The following MTUS1 variants were observed in gnomAD, a reference collection of about 807,000 sequenced individuals.
MTUS1 encodes the protein microtubule-associated tumor suppressor 1.
MTUS1 carries 109 observed loss-of-function variants against 120.8 expected under a neutral mutation model. That is an observed-to-expected ratio of 0.90 (90% CI 0.77 to 1.06). The LOEUF (loss-of-function observed/expected upper bound fraction) is 1.06. Ranked by LOEUF, MTUS1 falls within the 50% of genes least tolerant of loss-of-function variation. The pLI, the probability that MTUS1 is intolerant of heterozygous loss-of-function variation, is 0.00. For synonymous variants in MTUS1, 737 were observed against 550.5 expected, an observed-to-expected ratio of 1.34 and a Z score of -4.74; for missense variants, 2,210 against 1,486.3, an observed-to-expected ratio of 1.49 and a Z score of -8.01.
intron 7 of MTUS1, among the ~76,000 whole-genome samples, chr8:17,682,654 T>C (rs545074212): frequency 6.6e-6 from 1 of 152,180 alleles, no homozygotes; most frequent in East Asian, 1.9e-4. Context: ...TCACAGGACT[T>C]GACTGACGTC....
chr8:17,676,647 C>A (rs118107777), intron 7 of MTUS1, among the ~76,000 whole-genome samples: 6 of 152,034 alleles, frequency 3.9e-5, no homozygotes, highest in Non-Finnish European at 7.3e-5. Context: ...TCAGCTGCAA[C>A]GGAGGAAAGA....
intron 3 of MTUS1, among the ~76,000 whole-genome samples, chr8:17,736,767 T>C (rs182639733): frequency 1.3e-5 from 2 of 152,120 alleles, no homozygotes; most frequent in Non-Finnish European, 2.9e-5. Context: ...GTATGTTTAG[T>C]AGAGATGGGG....
chr8:17,655,871 G>C lies in MTUS1; in HGVS notation c.3100C>G (p.Gln1034Glu), dbSNP rs769283504. 20 of 1,614,190 alleles carry C rather than the reference G, an allele frequency of 1.2e-5. No individual in the cohort carries two copies. The East Asian group carries it at 3.1e-4, about 25-fold the overall frequency. ...GCTGCAAAAGCACAGACCTGCTCTT[G>C]CAATTGCATTTTGTACTTCTCTGCT... ...EEAEKYKMQLQEQFDNLNAAH... is the reference protein window; with the variant it reads ...EEAEKYKMQLEEQFDNLNAAH... The change falls in exon 9 of 15, where the codon CAA becomes GAA. Residue 1034 changes from glutamine (Q) to glutamate (E), a missense_variant. Gln to Glu is a conservative substitution (Grantham distance 29). Transcript: ENST00000693296.
chr8:17,736,850 G>GCTATAAC (rs1371651065), intron 3 of MTUS1, among the ~76,000 whole-genome samples: 1 of 152,110 alleles, frequency 6.6e-6, no homozygotes, highest in Non-Finnish European at 1.5e-5. Context: ...CACCCAAAGT[G>GCTATAAC]CTGGGATTAT....
chr8:17,794,336 A>C (rs1359747978), intron 1 of MTUS1, among the ~76,000 whole-genome samples: 1 of 152,156 alleles, frequency 6.6e-6, no homozygotes, highest in African/African-American at 2.4e-5. Flanking sequence ...CTCAAAAAAA[A>C]AGATAAAAGA....
At chr8:17,654,872 G>A (rs1234121424) in intron 9 of MTUS1, 1 of 574,964 alleles carries the variant, frequency 1.7e-6, no homozygotes, top group Non-Finnish European at 3.1e-6. Context: ...AGGATCACTT[G>A]GAGCCCAGCA....
chr8:17,762,725 T>C (rs1448487953), intron 1 of MTUS1, among the ~76,000 whole-genome samples: 5 of 152,242 alleles, frequency 3.3e-5, no homozygotes, highest in African/African-American at 7.2e-5. Context: ...TGAAATTACA[T>C]CCTTTTATTC....
intron 7 of MTUS1, among the ~76,000 whole-genome samples, chr8:17,684,009 C>T (rs1201765660): frequency 6.6e-6 from 1 of 152,052 alleles, no homozygotes; most frequent in Non-Finnish European, 1.5e-5. Context: ...GACAAACACA[C>T]AAATTAAGTG....
At chr8:17,663,786 G>A (rs1810305663) in intron 8 of MTUS1, among the ~76,000 whole-genome samples, 1 of 152,082 alleles carries the variant, frequency 6.6e-6, no homozygotes, top group Admixed American at 6.6e-5. Flanking sequence ...AGTGGAGACA[G>A]GGTTTCACTA....
At chr8:17,654,741 T>G in intron 9 of MTUS1, 75 bp from the exon 10 acceptor site, 1 of 999,846 alleles carries the variant, frequency 1.0e-6, no homozygotes, top group Non-Finnish European at 1.6e-6. Flanking sequence ...AGCAACCACA[T>G]TAGGAGACGT....
chr8:17,687,472 T>C (rs1158532640), intron 6 of MTUS1, among the ~76,000 whole-genome samples: 2 of 152,218 alleles, frequency 1.3e-5, no homozygotes, highest in African/African-American at 2.4e-5. Flanking sequence ...AGCCAAACTT[T>C]GCCCTTACCC....
chr8:17,673,378 T>G (rs992835976), intron 8 of MTUS1, among the ~76,000 whole-genome samples: 1 of 152,196 alleles, frequency 6.6e-6, no homozygotes, highest in Admixed American at 6.5e-5. Flanking sequence ...ACTGATGTCT[T>G]GGCTAGGTAT....
intron 8 of MTUS1, among the ~76,000 whole-genome samples, chr8:17,666,103 TTTTTTTTTTTTA>T (rs1355518029): frequency 6.9e-6 from 1 of 145,756 alleles, no homozygotes; most frequent in African/African-American, 2.8e-5. Context: ...TTTTTTTTTT[TTTTTTTTTTTTA>T]AATCACAACA....
chr8:17,723,497 G>A, intron 4 of MTUS1, 175 bp downstream of exon 4: 2 of 689,188 alleles, frequency 2.9e-6, no homozygotes, highest in Non-Finnish European at 5.2e-6. Context: ...ATTATTTCAA[G>A]AGTGTTTTTC....
chr8:17,737,276 G>A (rs778185786), intron 3 of MTUS1, among the ~76,000 whole-genome samples: 1 of 152,114 alleles, frequency 6.6e-6, no homozygotes, highest in African/African-American at 2.4e-5. Context: ...GTAGAATGGC[G>A]ATTATCACAG....
chr8:17,779,875 T>G (rs1189679457), intron 1 of MTUS1, among the ~76,000 whole-genome samples: 1 of 152,224 alleles, frequency 6.6e-6, no homozygotes, highest in Non-Finnish European at 1.5e-5. Context: ...CATACTCATC[T>G]CTAGCACTGA....
At chr8:17,780,446 G>T (rs1203577998) in intron 1 of MTUS1, among the ~76,000 whole-genome samples, 2 of 152,108 alleles carry the variant, frequency 1.3e-5, no homozygotes, top group African/African-American at 4.8e-5. Flanking sequence ...AGTCTAAAAG[G>T]GAACTCTGGG....
chr8:17,683,660 G>A (rs1815103293), intron 7 of MTUS1, among the ~76,000 whole-genome samples: 1 of 151,968 alleles, frequency 6.6e-6, no homozygotes. Context: ...AAAAATGTCT[G>A]AAGAGCTCAA....
chr8:17,713,028 C>A (rs940726308), intron 6 of MTUS1, among the ~76,000 whole-genome samples, 186 bp downstream of exon 6: 4 of 152,080 alleles, frequency 2.6e-5, no homozygotes, highest in African/African-American at 9.7e-5. Context: ...TCCTTTCATG[C>A]ATTAGATGGC....
Sources: gnomAD v4.1 joint callset for allele counts (sites outside exome capture counted in the v4.1 genomes callset) on GRCh38, gnomAD v4.1.1 for gene constraint, MANE v1.5 for transcripts, NCBI Gene and HGNC (gene_info 2026-07-23, HGNC 2026-07-21) for gene names.